TSHZ2: variants seen among roughly 807,000 people sequenced by gnomAD.
TSHZ2 encodes the protein teashirt zinc finger homeobox 2.
In TSHZ2, 21 loss-of-function variants were observed where a neutral mutation model predicts 74.4. The ratio of observed to expected loss-of-function variants is 0.28; its 90% CI spans 0.20 to 0.41. TSHZ2 has a LOEUF of 0.41. Among genes scored for constraint, TSHZ2 ranks in the 10% least tolerant of loss-of-function variants. TSHZ2 has a pLI of 1.00. For synonymous variants in TSHZ2, 540 were observed against 515.3 expected (o/e 1.05, Z -0.65); for missense variants, 1,244 against 1,293.5 (o/e 0.96, Z 0.59).
intron 1 of TSHZ2, among the ~76,000 whole-genome samples, chr20:53,004,150 A>C (rs1982550893): frequency 6.6e-6 from 1 of 151,690 alleles, no homozygotes; most frequent in Admixed American, 6.6e-5. Context: ...CCCCCCCTCC[A>C]ATTAAATACC....
intron 1 of TSHZ2, among the ~76,000 whole-genome samples, chr20:52,982,473 C>T (rs1600628560): frequency 6.6e-6 from 1 of 152,188 alleles, no homozygotes. Flanking sequence ...TTCAGGCCAA[C>T]TCCTGTCATC....
At chr20:53,400,815 C>T (rs955459549) in intron 2 of TSHZ2, among the ~76,000 whole-genome samples, 12 of 152,102 alleles carry the variant, frequency 7.9e-5, no homozygotes, top group African/African-American at 2.4e-5. Flanking sequence ...AAGTCCAGGA[C>T]GGAGCAAAAC....
chr20:53,183,840 C>T (rs780551788), intron 1 of TSHZ2, among the ~76,000 whole-genome samples: 5 of 152,148 alleles, frequency 3.3e-5, no homozygotes, highest in African/African-American at 9.7e-5. Flanking sequence ...GTCAACCATT[C>T]GAAGGAAACA....
rs1188818869 is a variant in TSHZ2 at position 53,190,129 on chromosome 20, ATATATATATT to A, written c.41-63368_41-63359del. 3.4e-3 allele frequency among the ~76,000 whole-genome samples: 299 copies of A among 87,820 alleles called. 13 individuals are homozygous for A. Among genetic ancestry groups the A allele is most frequent in the East Asian group, 0.032 (67 of 2,076 alleles). The allele number at this position is 87,820 out of a possible 152,430, so 57.6% of individuals were successfully genotyped here. On this transcript the variant is annotated intron_variant, in intron 1 of 2. Transcript: ENST00000371497. ...TATATATATATATATATATATATATATATATATATTTTCTTAAATGCCTCTGTTTCTTTTT... is the reference window on the plus strand; with the variant it reads ...TATATATATATATATATATATATATATTCTTAAATGCCTCTGTTTCTTTTT...
At chr20:53,174,231 GAATT>G (rs1310807394) in intron 1 of TSHZ2, among the ~76,000 whole-genome samples, 1 of 152,146 alleles carries the variant, frequency 6.6e-6, no homozygotes, top group Admixed American at 6.6e-5. Flanking sequence ...AGCTGATAGA[GAATT>G]AAGGGGAAAG....
At chr20:53,224,550 T>G (rs1371109626) in intron 1 of TSHZ2, among the ~76,000 whole-genome samples, 1 of 152,148 alleles carries the variant, frequency 6.6e-6, no homozygotes, top group Non-Finnish European at 1.5e-5. Flanking sequence ...CAGTTCCTAC[T>G]AAGAACTTAA....
intron 1 of TSHZ2, among the ~76,000 whole-genome samples, chr20:53,133,970 A>G (rs535988313): frequency 6.2e-5 from 2 of 32,032 alleles, no homozygotes; most frequent in African/African-American, 3.8e-4. Context: ...ATTTTTTCTG[A>G]AAAAAAAAAA....
At chr20:53,154,934 T>C (rs1301848189) in intron 1 of TSHZ2, among the ~76,000 whole-genome samples, 3 of 152,128 alleles carry the variant, frequency 2.0e-5, no homozygotes, top group Non-Finnish European at 4.4e-5. Flanking sequence ...CTAGAAATTA[T>C]GACATCTAAA....
At chr20:53,439,693 A>C (rs1984238733) in intron 2 of TSHZ2, among the ~76,000 whole-genome samples, 1 of 152,134 alleles carries the variant, frequency 6.6e-6, no homozygotes, top group Non-Finnish European at 1.5e-5. Flanking sequence ...CAAAGATATG[A>C]GTTGGAAGCG....
intron 1 of TSHZ2, among the ~76,000 whole-genome samples, chr20:53,093,170 T>G (rs1304462612): frequency 6.6e-6 from 1 of 152,202 alleles, no homozygotes; most frequent in Non-Finnish European, 1.5e-5. Flanking sequence ...ATGGGACCAA[T>G]TATACAACCC....
intron 1 of TSHZ2, among the ~76,000 whole-genome samples, chr20:53,215,845 G>A (rs1446003636): frequency 6.7e-6 from 1 of 148,756 alleles, no homozygotes; most frequent in African/African-American, 2.5e-5. Flanking sequence ...TCCAGCCTGG[G>A]CAACAGGAGC....
chr20:53,433,945 G>A (rs368205723), intron 2 of TSHZ2, among the ~76,000 whole-genome samples: 2 of 152,008 alleles, frequency 1.3e-5, no homozygotes, highest in African/African-American at 4.8e-5. Context: ...CTTGGCTCAC[G>A]GCAACCTCCA....
intron 1 of TSHZ2, among the ~76,000 whole-genome samples, chr20:53,177,502 C>T (rs1431546135): frequency 6.6e-6 from 1 of 152,220 alleles, no homozygotes; most frequent in Non-Finnish European, 1.5e-5. Context: ...CCTCAAACCA[C>T]ACTTGAAGAA....
At chr20:53,068,176 G>A (rs967720997) in intron 1 of TSHZ2, among the ~76,000 whole-genome samples, 2 of 152,124 alleles carry the variant, frequency 1.3e-5, no homozygotes, top group South Asian at 4.1e-4. Flanking sequence ...TCTGAATAAC[G>A]TCATATTCAC....
At chr20:53,053,974 A>G (rs1273302846) in intron 1 of TSHZ2, among the ~76,000 whole-genome samples, 7 of 152,318 alleles carry the variant, frequency 4.6e-5, no homozygotes, top group African/African-American at 1.7e-4. Flanking sequence ...TTGACCACGT[A>G]TCCAATAATA....
intron 1 of TSHZ2, among the ~76,000 whole-genome samples, chr20:53,054,646 C>CTAGCCG (rs1157485601): frequency 4.6e-5 from 7 of 152,256 alleles, no homozygotes; most frequent in African/African-American, 1.7e-4. Context: ...AGGAGGGGTT[C>CTAGCCG]TAGTGTGCCA....
At chr20:53,120,980 C>T (rs1193035649) in intron 1 of TSHZ2, among the ~76,000 whole-genome samples, 1 of 152,144 alleles carries the variant, frequency 6.6e-6, no homozygotes, top group Non-Finnish European at 1.5e-5. Context: ...TTCTTCTTTA[C>T]AAATGGCCTC....
intron 1 of TSHZ2, among the ~76,000 whole-genome samples, chr20:53,013,593 T>C (rs1600645676): frequency 6.6e-6 from 1 of 152,206 alleles, no homozygotes; most frequent in Admixed American, 6.5e-5. Flanking sequence ...GACACTATTT[T>C]AAGTAGTTGT....
chr20:53,334,770 G>A (rs1211608684), intron 2 of TSHZ2, among the ~76,000 whole-genome samples: 1 of 151,626 alleles, frequency 6.6e-6, no homozygotes, highest in Admixed American at 6.6e-5. Context: ...TGCAACCTCC[G>A]CCTCCTGGGT....
Sources: allele counts gnomAD v4.1 joint callset (sites outside exome capture counted in the v4.1 genomes callset), GRCh38; gene constraint gnomAD v4.1.1; transcripts MANE v1.5; gene names NCBI Gene and HGNC (gene_info 2026-07-23, HGNC 2026-07-21).